Variants in DNAH1 observed in about 807,000 individuals in gnomAD.
DNAH1 encodes the protein axonemal beta dynein heavy chain 1.
Under a neutral mutation model 484.3 loss-of-function variants are expected in DNAH1, and 327 were observed. The ratio of observed to expected loss-of-function variants is 0.68; its 90% CI spans 0.62 to 0.74. The LOEUF (loss-of-function observed/expected upper bound fraction) is 0.74, where lower values mean the gene tolerates loss of function less well. Among genes scored for constraint, DNAH1 ranks in the 30% least tolerant of loss-of-function variants. The pLI, the probability that DNAH1 is intolerant of heterozygous loss-of-function variation, is 0.00. For synonymous variants in DNAH1, 2,192 were observed against 2,191.9 expected, an observed-to-expected ratio of 1.00 and a Z score of 0.00; for missense variants, 5,052 against 5,546.8, an observed-to-expected ratio of 0.91 and a Z score of 2.83.
rs375511211 is a variant in DNAH1, at chr3:52,399,084, C to T, written c.12324C>T (p.Ile4108=). 5.0e-6 allele frequency: 8 copies of T among 1,613,936 alleles called. No individual in the cohort carries two copies. The highest frequency in any genetic ancestry group is 3.3e-5 in the South Asian group (3 of 91,096). Residue 4108 remains isoleucine (I), a synonymous_variant, in exon 76 of 78, where the codon ATC becomes ATT. Coordinates refer to ENST00000420323, the MANE Select transcript of DNAH1 (RefSeq NM_015512.5). ...DFLQAWIQDG[I]PAVFWISGFF... is the part of the protein sequence containing the mutation. Reference sequence around the variant, plus strand: ...TGCAGGCCTGGATCCAAGATGGCATCCCAGCTGTCTTCTGGATCAGTGGAT... The same window carrying T: ...TGCAGGCCTGGATCCAAGATGGCATTCCAGCTGTCTTCTGGATCAGTGGAT...
At chr3:52,323,009 C>T (rs1701206135) in intron 2 of DNAH1, among the ~76,000 whole-genome samples, 1 of 152,218 alleles carries the variant, frequency 6.6e-6, no homozygotes, top group Admixed American at 6.5e-5. Context: ...TACTGAGCTC[C>T]TGCTGTGTGC....
At chr3:52,377,756 C>CGT (rs3066857) in intron 46 of DNAH1, among the ~76,000 whole-genome samples, 86,963 of 151,426 alleles carry the variant, frequency 0.57, 25,722 homozygotes, top group African/African-American at 0.7. Flanking sequence ...TCTGCTTGAC[C>CGT]CCCCTTCCTC....
chr3:52,361,689 T>C lies in DNAH1; in HGVS notation c.4903T>C (p.Phe1635Leu). The C allele has an allele frequency of 1.2e-6, 2 of 1,609,988 alleles. No homozygotes were observed. The highest frequency in any genetic ancestry group is 8.5e-7 in the Non-Finnish European group (1 of 1,178,428). Residue 1635 changes from phenylalanine (F) to leucine (L), a missense_variant, in exon 30 of 78, where the codon TTC becomes CTC. By Grantham distance (22) the Phe-to-Leu change is conservative. Coordinates refer to ENST00000420323, the MANE Select transcript of DNAH1 (RefSeq NM_015512.5). This position sits in a 1 kb window ranked among gnomAD's most constrained non-coding sequence, Gnocchi z 5.6. ...TGGGGCCTGGGCCTGCTTCGACGAGTTCAATCGCATCGACATCGAGGTGCT... is the reference window on the plus strand; with the variant it reads ...TGGGGCCTGGGCCTGCTTCGACGAGCTCAATCGCATCGACATCGAGGTGCT... ...SAGAWACFDEFNRIDIEVLSV... is the reference protein window; with the variant it reads ...SAGAWACFDELNRIDIEVLSV...
rs1209292872 is a variant in DNAH1, at chr3:52,344,644, C to T, written c.1441C>T (p.Arg481Ter). 6.8e-6 allele frequency: 11 copies of T among 1,612,164 alleles called. No individual in the cohort carries two copies. Among genetic ancestry groups the T allele is most frequent in the South Asian group, 1.1e-5 (1 of 90,936 alleles). The change falls in exon 9 of 78, where the codon CGA (arginine) becomes TGA (stop). Residue 481 changes from arginine (R) to a stop codon, truncating the protein, a stop_gained. Transcript: ENST00000420323. LOFTEE classifies it high-confidence loss of function. ...GAAGGAGGAGGAGCAGGTGCCTGAG[C>T]GAGGTGAGGGTCACTGGACCAAGAT... ...PKKEEEQVPE[R>*]GLVSVPKYHF... is the part of the protein sequence containing the mutation.
chr3:52,343,481 G>A (rs1024832983), intron 8 of DNAH1, among the ~76,000 whole-genome samples: 2 of 152,144 alleles, frequency 1.3e-5, no homozygotes, highest in African/African-American at 4.8e-5. Flanking sequence ...CCCAGTGAGG[G>A]AGGGTGTGTC....
intron 8 of DNAH1, among the ~76,000 whole-genome samples, chr3:52,334,526 C>T (rs2153223347): frequency 6.6e-6 from 1 of 152,302 alleles, no homozygotes; most frequent in South Asian, 2.1e-4. Context: ...TGATGGCTTA[C>T]ATCTATAATC....
intron 52 of DNAH1, among the ~76,000 whole-genome samples, 157 bp downstream of exon 52, chr3:52,384,188 CTG>C (rs1703995661): frequency 6.6e-6 from 1 of 152,218 alleles, no homozygotes; most frequent in African/African-American, 2.4e-5. Context: ...ATTTCCTCAT[CTG>C]TAAATGCGCA....
chr3:52,343,763 G>A (rs1357392556), intron 8 of DNAH1, among the ~76,000 whole-genome samples: 1 of 152,170 alleles, frequency 6.6e-6, no homozygotes, highest in African/African-American at 2.4e-5. Context: ...GAACAGAAAG[G>A]CCTGTCCGCA....
At position 52,359,375 on chromosome 3, in the gene DNAH1, C is replaced by T. The variant is rs368608665; in HGVS notation, c.4396C>T (p.Leu1466Phe). The change falls in exon 26 of 78, where the codon CTC becomes TTC. Residue 1466 changes from leucine to phenylalanine, a missense_variant. Leu to Phe is a conservative substitution (Grantham distance 22). This residue lies in a region of DNAH1 where 2,929 missense variants were observed against 3,409.4 expected (regional missense o/e 0.86). Transcript: ENST00000420323. The part of the protein sequence containing the change: ...GNLRSQLFPQ[L>F]CQQLSDLVAL... ...CCTCAGAAGCCAACTGTTCCCCCAG[C>T]TCTGCCAGCAGGTTGGAGTCAAGAG... The T allele has an allele frequency of 1.4e-4, 214 of 1,570,310 alleles. No homozygotes were observed. The highest frequency in any genetic ancestry group is 3.3e-4 in the South Asian group (28 of 85,478).
At position 52,326,794 on chromosome 3, in the gene DNAH1, A is replaced by G; in HGVS notation, c.641A>G (p.Asp214Gly). 6.2e-7 allele frequency: 1 copy of G among 1,613,366 alleles called. No individual in the cohort carries two copies. Among genetic ancestry groups the G allele is most frequent in the Middle Eastern group, 1.7e-4 (1 of 6,058 alleles). ...CAGTTGCTGTTCAGCCAGGGCATCGACTCCAACAAGCTCATGCCCAGGCAC... is the reference window on the plus strand; with the variant it reads ...CAGTTGCTGTTCAGCCAGGGCATCGGCTCCAACAAGCTCATGCCCAGGCAC... ...IEQLLFSQGIDSNKLMPRHLD... is the reference protein window; with the variant it reads ...IEQLLFSQGIGSNKLMPRHLD... The change falls in exon 5 of 78, where the codon GAC (aspartate) becomes GGC (glycine). Residue 214 changes from aspartate (D) to glycine (G), a missense_variant. Asp to Gly is a moderately conservative substitution (Grantham distance 94). Coordinates refer to ENST00000420323, the MANE Select transcript of DNAH1 (RefSeq NM_015512.5).
upstream of DNAH1, among the ~76,000 whole-genome samples, chr3:52,312,073 G>T (rs1375147699): frequency 6.6e-6 from 1 of 152,232 alleles, no homozygotes; most frequent in East Asian, 1.9e-4. Flanking sequence ...AGCCAAGAGG[G>T]CTGGGGAACC....
chr3:52,337,934 A>G (rs1701793340), intron 8 of DNAH1, among the ~76,000 whole-genome samples: 1 of 152,112 alleles, frequency 6.6e-6, no homozygotes, highest in Admixed American at 6.5e-5. Flanking sequence ...AGCTGGGACC[A>G]CAGGTGTGAG....
chr3:52,398,265 CAT>C, intron 75 of DNAH1, 103 bp downstream of exon 75: 1 of 1,375,400 alleles, frequency 7.3e-7, no homozygotes, highest in African/African-American at 1.5e-5. Flanking sequence ...AAGTGCTACA[CAT>C]CCTCTAACTC....
rs572139610 is a variant in DNAH1, at chr3:52,391,290, G to A, written c.9853G>A (p.Glu3285Lys). The A allele has an allele frequency of 1.9e-6, 3 of 1,612,716 alleles. No individual in the cohort carries two copies. In the African/African-American group the frequency reaches 4.0e-5, roughly 21 times the overall value. ...ATGTCTCCTGGAGAACGTGGGCGAG[G>A]AGCTAGACCCAGCCCTGGAGCCAGT... ...KPCLLENVGE[E>K]LDPALEPVLL... The change falls in exon 62 of 78, where the codon GAG (glutamate) becomes AAG (lysine). Residue 3285 changes from glutamate to lysine, a missense_variant. Glu to Lys is a moderately conservative substitution (Grantham distance 56). Transcript: ENST00000420323.
At position 52,388,833 on chromosome 3, in the gene DNAH1, G is replaced by A. The variant is rs762147594; in HGVS notation, c.9391G>A (p.Val3131Met). The A allele has an allele frequency of 3.7e-6, 6 of 1,613,742 alleles. No homozygotes were observed. The highest frequency in any genetic ancestry group is 2.2e-5 in the East Asian group (1 of 44,880). Residue 3131 changes from valine (V) to methionine (M), a missense_variant, in exon 59 of 78, where the codon GTG becomes ATG. Physicochemically the swap from Val to Met is conservative, Grantham distance 21. This residue lies in a region of DNAH1 where 2,929 missense variants were observed against 3,409.4 expected (regional missense o/e 0.86). Transcript: ENST00000420323. Reference sequence around the variant, plus strand: ...CATCAACGGGCTGTCGGATGAGAAGGTGCGCTGGCAGGAGACGGTGGAGAA... The same window carrying A: ...CATCAACGGGCTGTCGGATGAGAAGATGCGCTGGCAGGAGACGGTGGAGAA... ...KLINGLSDEK[V>M]RWQETVENLQ...
rs1702107715 is a variant in DNAH1, at chr3:52,345,569, C to A, written c.1519C>A (p.Pro507Thr). The change falls in exon 10 of 78, where the codon CCA (proline) becomes ACA (threonine). Residue 507 changes from proline (P) to threonine (T), a missense_variant. This residue lies in a region of DNAH1 where 1,263 missense variants were observed against 1,218.8 expected (regional missense o/e 1.04). Coordinates refer to ENST00000420323, the MANE Select transcript of DNAH1 (RefSeq NM_015512.5). Reference protein sequence around the residue: ...DFTFVSLLTRPEVITALSKVR... With the variant: ...DFTFVSLLTRTEVITALSKVR... ...CACTTTCGTGTCCCTGCTCACACGGCCAGAGGTCATCACGGCCCTCAGCAA... is the reference window on the plus strand; with the variant it reads ...CACTTTCGTGTCCCTGCTCACACGGACAGAGGTCATCACGGCCCTCAGCAA... 1 of 1,599,004 alleles carries A rather than the reference C, an allele frequency of 6.3e-7. No homozygotes were observed. The highest frequency in any genetic ancestry group is 2.3e-5 in the East Asian group (1 of 44,106).
chr3:52,359,525 T>C, intron 26 of DNAH1, 139 bp downstream of exon 26: 2 of 1,218,842 alleles, frequency 1.6e-6, no homozygotes, highest in South Asian at 1.6e-5. Context: ...TCAGACACCC[T>C]TGAAGTGTCT....
intron 8 of DNAH1, among the ~76,000 whole-genome samples, chr3:52,335,696 G>A (rs551414898): frequency 2.6e-5 from 4 of 151,266 alleles, no homozygotes; most frequent in African/African-American, 4.9e-5. Flanking sequence ...GTGCAATGGC[G>A]CAATCTCAGC....
At position 52,375,958 on chromosome 3, in the gene DNAH1, G is replaced by T. The variant is rs1703577857; in HGVS notation, c.7163G>T (p.Gly2388Val). 6.2e-7 allele frequency: 1 copy of T among 1,612,068 alleles called. No homozygotes were observed. The highest frequency in any genetic ancestry group is 8.5e-7 in the Non-Finnish European group (1 of 1,179,400). Reference protein sequence around the residue: ...FSTILGNWLDGLLGEKSYRER... With the variant: ...FSTILGNWLDVLLGEKSYRER... ...TGTTTCTCCCTCCATCCTCTAGATG[G>T]ACTCCTTGGAGAAAAAAGCTACCGG... Residue 2388 changes from glycine to valine, a missense_variant, in exon 46 of 78, where the codon GGA (glycine) becomes GTA (valine). Transcript: ENST00000420323.
Sources: gnomAD v4.1 joint callset for allele counts (sites outside exome capture counted in the v4.1 genomes callset) on GRCh38, gnomAD v4.1.1 for gene constraint, gnomAD v4.1.1 regional missense constraint, Gnocchi (gnomAD v3.1) non-coding constraint, MANE v1.5 for transcripts, NCBI Gene and HGNC (gene_info 2026-07-23, HGNC 2026-07-21) for gene names.